KLHL1: variants seen among roughly 807,000 people sequenced by gnomAD.
KLHL1 encodes kelch like family member 1, also known as kelch-like protein 1.
A neutral mutation model predicts 77.7 loss-of-function variants in KLHL1; 47 were observed. The ratio of observed to expected loss-of-function variants is 0.60; its 90% CI spans 0.48 to 0.77. The LOEUF is 0.77. Ranked by LOEUF, KLHL1 falls within the 30% of genes least tolerant of loss-of-function variation. The pLI, the probability that KLHL1 is intolerant of heterozygous loss-of-function variation, is 0.00. For missense variants in KLHL1, 925 were observed against 910.8 expected, an observed-to-expected ratio of 1.02 and a Z score of -0.20; for synonymous variants, 360 against 325.2, an observed-to-expected ratio of 1.11 and a Z score of -1.15.
At chr13:70,015,019 G>A (rs1034964980) in intron 1 of KLHL1, among the ~76,000 whole-genome samples, 1 of 152,014 alleles carries the variant, frequency 6.6e-6, no homozygotes, top group Non-Finnish European at 1.5e-5. Flanking sequence ...AATGTAGGAA[G>A]TTAAAGTGAT....
At chr13:69,885,428 T>A (rs1256377481) in intron 4 of KLHL1, among the ~76,000 whole-genome samples, 2 of 152,104 alleles carry the variant, frequency 1.3e-5, no homozygotes, top group African/African-American at 4.8e-5. Flanking sequence ...GGTGTTATTT[T>A]TTTTTTTTCT....
chr13:69,934,684 G>A (rs552081318), intron 4 of KLHL1, among the ~76,000 whole-genome samples: 1 of 151,852 alleles, frequency 6.6e-6, no homozygotes, highest in South Asian at 2.1e-4. Context: ...TAGATCTTCA[G>A]CCTCATAAAC....
chr13:69,984,980 G>A (rs1884821583), intron 1 of KLHL1, among the ~76,000 whole-genome samples: 2 of 151,994 alleles, frequency 1.3e-5, no homozygotes, highest in African/African-American at 2.4e-5. Flanking sequence ...GCATGGTGGC[G>A]GGCGCCTGTA....
At chr13:70,106,379 G>C (rs931649705) in intron 1 of KLHL1, among the ~76,000 whole-genome samples, 1 of 152,104 alleles carries the variant, frequency 6.6e-6, no homozygotes, top group Non-Finnish European at 1.5e-5. Flanking sequence ...GAATAGTAAT[G>C]AGTCAATTCT....
At chr13:69,945,852 T>G (rs1317566431) in intron 3 of KLHL1, among the ~76,000 whole-genome samples, 1 of 152,294 alleles carries the variant, frequency 6.6e-6, no homozygotes, top group Admixed American at 6.5e-5. Context: ...AAGAATATGC[T>G]GATACAAAGT....
chr13:70,079,734 T>TATTACTCTTTCTCTTTC (rs553340917), intron 1 of KLHL1, among the ~76,000 whole-genome samples: 53 of 152,304 alleles, frequency 3.5e-4, no homozygotes, highest in African/African-American at 1.3e-3. Context: ...AACTAGGTAA[T>TATTACTCTTTCTCTTTC]ATTACTCTTT....
rs369471818 is a variant in KLHL1, at chr13:70,094,393, T to TTATATATATATA, written c.497+12798_497+12809dup. Among the ~76,000 whole-genome samples, 406 of 137,202 alleles carry TTATATATATATA rather than the reference T, an allele frequency of 3.0e-3. 18 individuals carry two copies. Among genetic ancestry groups the TTATATATATATA allele is most frequent in the African/African-American group, 0.012 (384 of 31,640 alleles). The allele number at this position is 137,202 out of a possible 152,430, so 90.0% of individuals were successfully genotyped here. A position where few individuals can be genotyped will look rare whatever the true frequency, so the allele number is the denominator to read the frequency against. ...TGAAACAAATACAATGCAATCATCT[T>TTATATATATATA]TATATATATATATATATGAATATAT... On this transcript the variant is annotated intron_variant, in intron 1 of 10. Coordinates refer to ENST00000377844, the MANE Select transcript of KLHL1 (RefSeq NM_020866.3).
At chr13:69,855,046 C>T (rs1372986769) in intron 5 of KLHL1, among the ~76,000 whole-genome samples, 1 of 151,902 alleles carries the variant, frequency 6.6e-6, no homozygotes, top group African/African-American at 2.4e-5. Flanking sequence ...ATAGGAATTA[C>T]ATATATGTAA....
chr13:70,073,135 C>T (rs1033700257), intron 1 of KLHL1, among the ~76,000 whole-genome samples: 36 of 152,040 alleles, frequency 2.4e-4, no homozygotes, highest in African/African-American at 5.8e-4. Context: ...GCACTATTCA[C>T]GATAGCAGAC....
At chr13:70,046,903 C>T (rs73516789) in intron 1 of KLHL1, among the ~76,000 whole-genome samples, 5,239 of 152,220 alleles carry the variant, frequency 0.034, 177 homozygotes, top group African/African-American at 0.081. Context: ...TTGTTTTGCT[C>T]GAGATTATTG....
At chr13:70,093,652 T>C (rs9572366) in intron 1 of KLHL1, among the ~76,000 whole-genome samples, 23,122 of 152,056 alleles carry the variant, frequency 0.15, 2,717 homozygotes, top group African/African-American at 0.32. Context: ...TGGCAAATAA[T>C]TTTTTTCTCT....
At chr13:70,023,505 C>A (rs138805602) in intron 1 of KLHL1, among the ~76,000 whole-genome samples, 3 of 151,932 alleles carry the variant, frequency 2.0e-5, no homozygotes, top group Non-Finnish European at 4.4e-5. Flanking sequence ...TTCATACTCA[C>A]ATTTTTCTAA....
At chr13:69,904,907 C>T (rs1214915547) in intron 4 of KLHL1, among the ~76,000 whole-genome samples, 10 of 152,120 alleles carry the variant, frequency 6.6e-5, no homozygotes, top group Admixed American at 3.9e-4. Flanking sequence ...TGTTGATTCC[C>T]ATAACTGCAT....
intron 8 of KLHL1, among the ~76,000 whole-genome samples, chr13:69,738,551 AT>A (rs1197314668): frequency 6.6e-6 from 1 of 152,110 alleles, no homozygotes; most frequent in East Asian, 1.9e-4. Flanking sequence ...AGAGAGGAAC[AT>A]AAATTACCTG....
intron 8 of KLHL1, among the ~76,000 whole-genome samples, chr13:69,732,567 G>A (rs1873593330): frequency 6.6e-6 from 1 of 152,000 alleles, no homozygotes; most frequent in South Asian, 2.1e-4. Flanking sequence ...TTGCCACCTG[G>A]TTCCCTGTTA....
rs868216319 is a variant in KLHL1 at position 70,084,391 on chromosome 13, T to C, written c.497+22812A>G. Among the ~76,000 whole-genome samples, 9 of 151,962 alleles carry C rather than the reference T, an allele frequency of 5.9e-5. No homozygotes were observed. In the South Asian group the frequency reaches 1.7e-3, roughly 28 times the overall value. Reference sequence around the variant, plus strand: ...TATGTCTCCAAGCACAAAGTAAAAGTGAAAGCATGAAATATATTTCTGCTT... The same window carrying C: ...TATGTCTCCAAGCACAAAGTAAAAGCGAAAGCATGAAATATATTTCTGCTT... On this transcript the variant is annotated intron_variant, in intron 1 of 10. Transcript: ENST00000377844.
intron 1 of KLHL1, among the ~76,000 whole-genome samples, chr13:70,027,986 T>C (rs946103627): frequency 3.9e-5 from 6 of 152,150 alleles, no homozygotes; most frequent in East Asian, 1.9e-4. Context: ...ATACCCATGA[T>C]TGAAGAAATT....
chr13:69,719,526 A>T lies in KLHL1; in HGVS notation c.1858T>A (p.Tyr620Asn). Residue 620 changes from tyrosine (Y) to asparagine (N), a missense_variant, in exon 9 of 11, where the codon TAT becomes AAT. Tyr to Asn is a moderately radical substitution (Grantham distance 143, BLOSUM62 -2). Coordinates refer to ENST00000377844, the MANE Select transcript of KLHL1 (RefSeq NM_020866.3). ...GSSCLSSMEY[Y>N]DPHTNKWNMC... ...TTCCACTTATTTGTATGAGGATCAT[A>T]ATATTCCATTGAACTCAAACAGGAA... is the stretch of plus-strand genomic sequence containing the variant. The T allele has an allele frequency of 6.2e-7, 1 of 1,613,458 alleles. No homozygotes were observed. The highest frequency in any genetic ancestry group is 8.5e-7 in the Non-Finnish European group (1 of 1,179,634).
intron 4 of KLHL1, among the ~76,000 whole-genome samples, chr13:69,926,946 CAAAAAAAAAAA>C (rs71116960): frequency 8.3e-5 from 3 of 36,034 alleles, no homozygotes; most frequent in South Asian, 2.2e-3. Context: ...GACTCCATCT[CAAAAAAAAAAA>C]AAAAAAAAAA....
Sources: gnomAD v4.1 joint callset for allele counts (sites outside exome capture counted in the v4.1 genomes callset) on GRCh38, gnomAD v4.1.1 for gene constraint, MANE v1.5 for transcripts, NCBI Gene and HGNC (gene_info 2026-07-23, HGNC 2026-07-21) for gene names.